Variants in SELENOT observed in about 807,000 individuals in gnomAD.
SELENOT encodes selenoprotein T.
SELENOT carries 9 observed loss-of-function variants against 24.3 expected under a neutral mutation model. That is an observed-to-expected ratio of 0.37 (90% confidence interval 0.22 to 0.65). SELENOT has a LOEUF of 0.65. Among genes scored for constraint, SELENOT ranks in the 30% least tolerant of loss-of-function variants. The probability of loss-of-function intolerance (pLI) is 0.60; values close to 1 mark genes in which losing one functional copy is unlikely to be tolerated. For synonymous variants in SELENOT, 81 were observed against 86.0 expected (o/e 0.94, Z 0.32); for missense variants, 166 against 247.6 (o/e 0.67, Z 2.21).
rs1216879378 is a variant in SELENOT, at chr3:150,627,829, AT to A, written c.*202del. On this transcript the variant is annotated 3_prime_UTR_variant, in exon 6 of 6. Transcript: ENST00000471696. Reference sequence around the variant, plus strand: ...GCTGGCATATTTTGGAATTCTGCACATTCATGGAGTGCAATAATACTGTATA... The same window carrying A: ...GCTGGCATATTTTGGAATTCTGCACATCATGGAGTGCAATAATACTGTATA... 6.6e-6 allele frequency: 1 copy of A among 152,464 alleles called. No individual in the cohort carries two copies. Among genetic ancestry groups the A allele is most frequent in the Admixed American group, 6.5e-5 (1 of 15,288 alleles). The allele number at this position is 152,464 out of a possible 1,614,324, so 9.4% of individuals were successfully genotyped here.
chr3:150,627,006 A>G lies in SELENOT; in HGVS notation c.464-4A>G, dbSNP rs1450579093. On this transcript the variant is annotated splice_region_variant and splice_polypyrimidine_tract_variant and intron_variant, in intron 4 of 5. Transcript: ENST00000471696. Reference sequence around the variant, plus strand: ...TTGGGGGGCGGTGCCATTTATTTTTATAGATGTACCTGTGTGGTCTAAGCT... The same window carrying G: ...TTGGGGGGCGGTGCCATTTATTTTTGTAGATGTACCTGTGTGGTCTAAGCT... The G allele has an allele frequency of 1.6e-5, 26 of 1,604,874 alleles. No individual in the cohort carries two copies. Among genetic ancestry groups the G allele is most frequent in the East Asian group, 2.2e-5 (1 of 44,832 alleles).
chr3:150,610,690 T>G (rs897952612), intron 1 of SELENOT, among the ~76,000 whole-genome samples: 2 of 152,230 alleles, frequency 1.3e-5, no homozygotes, highest in African/African-American at 4.8e-5. Context: ...TCTCTGAAAT[T>G]AGATTGTGAA....
chr3:150,623,828 T>C (rs1490112024), intron 3 of SELENOT, among the ~76,000 whole-genome samples: 1 of 152,100 alleles, frequency 6.6e-6, no homozygotes, highest in Non-Finnish European at 1.5e-5. Context: ...TCTGGAGGGC[T>C]TACTGTCCTG....
intron 1 of SELENOT, among the ~76,000 whole-genome samples, chr3:150,606,854 A>G (rs1725977022): frequency 6.6e-6 from 1 of 152,214 alleles, no homozygotes; most frequent in Non-Finnish European, 1.5e-5. Context: ...TTGGCGTCCC[A>G]AAGTGCTAGG....
intron 1 of SELENOT, among the ~76,000 whole-genome samples, chr3:150,610,881 A>C (rs1412627578): frequency 1.3e-5 from 2 of 152,134 alleles, no homozygotes; most frequent in Non-Finnish European, 2.9e-5. Context: ...CTCATTGTAC[A>C]GGTGTGGATA....
At chr3:150,617,281 G>A (rs989809513) in intron 1 of SELENOT, among the ~76,000 whole-genome samples, 2 of 151,968 alleles carry the variant, frequency 1.3e-5, no homozygotes, top group South Asian at 2.1e-4. Flanking sequence ...TAGTAATGAT[G>A]GAAATGCTAA....
At position 150,606,433 on chromosome 3, in the gene SELENOT, A is replaced by G. The variant is rs190413213; in HGVS notation, c.137+2934A>G. The stretch of plus-strand genomic sequence containing the variant: ...ATCTCAAGAAGTCTACCAGACTGGC[A>G]CAGTATTACTTGTGTATCTGAGTCT... On this transcript the variant is annotated intron_variant, in intron 1 of 5. Transcript: ENST00000471696. 8.4e-4 allele frequency among the ~76,000 whole-genome samples: 128 copies of G among 152,300 alleles called. 1 individual carries two copies. In the East Asian group the frequency reaches 0.024, roughly 28 times the overall value.
chr3:150,615,893 T>G (rs1163238509), intron 1 of SELENOT, among the ~76,000 whole-genome samples: 61 of 150,990 alleles, frequency 4.0e-4, no homozygotes, highest in Admixed American at 2.6e-3. Context: ...CATCACCAAG[T>G]CAATCCTAAG....
intron 1 of SELENOT, among the ~76,000 whole-genome samples, chr3:150,621,764 A>G (rs1247524768): frequency 6.6e-6 from 1 of 151,962 alleles, no homozygotes; most frequent in Non-Finnish European, 1.5e-5. Context: ...TTTCCTTGGC[A>G]AAGTAGAATC....
At chr3:150,622,225 A>T (rs575541839) in intron 1 of SELENOT, among the ~76,000 whole-genome samples, 160 bp from the exon 2 acceptor site, 3 of 152,266 alleles carry the variant, frequency 2.0e-5, no homozygotes, top group South Asian at 2.1e-4. Context: ...AAATGTATTT[A>T]AAAAACTCAA....
intron 1 of SELENOT, among the ~76,000 whole-genome samples, chr3:150,612,345 G>A (rs1169745303): frequency 2.6e-5 from 4 of 151,954 alleles, no homozygotes; most frequent in African/African-American, 9.7e-5. Flanking sequence ...GGCCCTCCTC[G>A]GCCTCCCAAA....
chr3:150,621,998 A>G (rs1726354825), intron 1 of SELENOT, among the ~76,000 whole-genome samples: 1 of 152,086 alleles, frequency 6.6e-6, no homozygotes, highest in East Asian at 1.9e-4. Flanking sequence ...CTGTTTATAC[A>G]AGTAATTGAT....
At chr3:150,612,358 G>A (rs943166882) in intron 1 of SELENOT, among the ~76,000 whole-genome samples, 1 of 152,126 alleles carries the variant, frequency 6.6e-6, no homozygotes, top group Non-Finnish European at 1.5e-5. Flanking sequence ...CTCCCAAAGT[G>A]CTGGGATTAC....
chr3:150,620,477 A>G (rs1294659256), intron 1 of SELENOT, among the ~76,000 whole-genome samples: 2 of 152,228 alleles, frequency 1.3e-5, no homozygotes, highest in Admixed American at 6.5e-5. Flanking sequence ...TGAGGACAGG[A>G]CCGTATCTGT....
rs73003034 is a variant in SELENOT, at chr3:150,622,571, T to C, written c.248+76T>C. The C allele has an allele frequency of 3.9e-3, 2,301 of 586,140 alleles. 37 individuals are homozygous for C. Among genetic ancestry groups the C allele is most frequent in the African/African-American group, 0.039 (2,025 of 51,870 alleles). The allele number at this position is 586,140 out of a possible 1,614,324, so 36.3% of individuals were successfully genotyped here. On this transcript the variant is annotated intron_variant, in intron 2 of 5. Transcript: ENST00000471696. The stretch of plus-strand genomic sequence containing the variant: ...GTGTTTGTGAATTGGTTTAATTAGC[T>C]GTCCTTAGTTATTGTAATTACTTAG...
Position 150,603,519 on chromosome 3 carries a change from C to A in SELENOT, c.137+20C>A. 6.4e-7 allele frequency: 1 copy of A among 1,559,726 alleles called. No homozygotes were observed. The highest frequency in any genetic ancestry group is 1.1e-5 in the South Asian group (1 of 87,222). ...GATTTGGTGAGTATGTGCACTGGGC[C>A]CCGGCCACCCCGCCGCGCCTCTGCT... On this transcript the variant is annotated intron_variant, in intron 1 of 5. Transcript: ENST00000471696.
chr3:150,624,130 A>T (rs987019583), intron 3 of SELENOT, among the ~76,000 whole-genome samples: 7 of 152,302 alleles, frequency 4.6e-5, no homozygotes, highest in African/African-American at 1.7e-4. Context: ...ATGAAAATAG[A>T]CTTAACATTC....
rs1296089738 is a variant in SELENOT at position 150,629,819 on chromosome 3, A to C, written c.*2190A>C. 1 of 152,660 alleles carries C rather than the reference A, an allele frequency of 6.6e-6. No homozygotes were observed. 9.5% of individuals were successfully genotyped at this position (152,660 alleles called of 1,614,324 possible). On this transcript the variant is annotated 3_prime_UTR_variant, in exon 6 of 6. Transcript: ENST00000471696. ...AAGTAATAATATAAGGAAAAAGGGA[A>C]AGTAAACTATTTAGAATGTAGTTTT...
At chr3:150,622,241 T>G (rs1365297250) in intron 1 of SELENOT, 144 bp from the exon 2 acceptor site, 3 of 408,838 alleles carry the variant, frequency 7.3e-6, no homozygotes, top group Non-Finnish European at 1.4e-5. Flanking sequence ...CTCAATGTAT[T>G]TGTCATCCTG....
Sources: allele counts gnomAD v4.1 joint callset (sites outside exome capture counted in the v4.1 genomes callset), GRCh38; gene constraint gnomAD v4.1.1; transcripts MANE v1.5; gene names NCBI Gene and HGNC (gene_info 2026-07-23, HGNC 2026-07-21).